Variants in TIAM1 observed in about 807,000 individuals in gnomAD.
The protein encoded by TIAM1 is rho guanine nucleotide exchange factor TIAM1.
A neutral mutation model predicts 163.5 loss-of-function variants in TIAM1; 65 were observed. The ratio of observed to expected loss-of-function variants is 0.40; its 90% CI spans 0.33 to 0.49. The LOEUF is 0.49. Among genes scored for constraint, TIAM1 ranks in the 20% least tolerant of loss-of-function variants. The pLI is 0.77. For missense variants in TIAM1, 1,789 were observed against 2,044.7 expected, an observed-to-expected ratio of 0.87 and a Z score of 2.41; for synonymous variants, 833 against 810.1, an observed-to-expected ratio of 1.03 and a Z score of -0.48.
At chr21:31,247,893 A>C (rs1398774575) in intron 5 of TIAM1, among the ~76,000 whole-genome samples, 2 of 152,018 alleles carry the variant, frequency 1.3e-5, no homozygotes, top group Non-Finnish European at 2.9e-5. Context: ...GATTAGAGAG[A>C]CAAAGAAATA....
At chr21:31,217,771 G>GTAAGTCC in intron 8 of TIAM1, 72 bp from the exon 9 acceptor site, 1 of 1,547,750 alleles carries the variant, frequency 6.5e-7, no homozygotes, top group Non-Finnish European at 8.7e-7. Context: ...TGAGGTCCCC[G>GTAAGTCC]TAAGTCCCAC....
chr21:31,281,768 G>A (rs917333452), intron 2 of TIAM1, among the ~76,000 whole-genome samples: 2 of 151,956 alleles, frequency 1.3e-5, no homozygotes, highest in Non-Finnish European at 2.9e-5. Flanking sequence ...GGATGGATGG[G>A]TGGTGGATGG....
At chr21:31,524,856 C>A (rs1358603593) in intron 1 of TIAM1, among the ~76,000 whole-genome samples, 1 of 152,120 alleles carries the variant, frequency 6.6e-6, no homozygotes, top group Non-Finnish European at 1.5e-5. Context: ...GCAGACACAT[C>A]CTTGTCTTAG....
rs190113756 is a variant in TIAM1 at position 31,128,063 on chromosome 21, T to C, written c.4046-911A>G. ...ATAGCACAGTACTTTAAGTCATGAA[T>C]AAAGTGTTTGTGAAAGGAACAATTC... On this transcript the variant is annotated intron_variant, in intron 25 of 27. Transcript: ENST00000541036. Among the ~76,000 whole-genome samples, 651 of 152,304 alleles carry C rather than the reference T, an allele frequency of 4.3e-3. 2 individuals carry two copies. The highest frequency in any genetic ancestry group is 6.6e-3 in the Non-Finnish European group (446 of 68,024).
intron 12 of TIAM1, among the ~76,000 whole-genome samples, chr21:31,200,708 T>C (rs2086154332): frequency 6.6e-6 from 1 of 152,166 alleles, no homozygotes; most frequent in Non-Finnish European, 1.5e-5. Flanking sequence ...TCAATATATT[T>C]AGGGCACAGG....
chr21:31,174,711 G>C (rs1020822785), intron 15 of TIAM1, among the ~76,000 whole-genome samples: 2 of 152,138 alleles, frequency 1.3e-5, no homozygotes, highest in South Asian at 4.1e-4. Flanking sequence ...GCAGTGGTGC[G>C]ATCCCGGCTC....
intron 2 of TIAM1, among the ~76,000 whole-genome samples, chr21:31,352,275 T>C (rs74596678): frequency 0.016 from 2,505 of 152,226 alleles, 72 homozygotes; most frequent in African/African-American, 0.056. Flanking sequence ...TGATCTGTGC[T>C]GCTACATGGA....
At chr21:31,181,844 G>A (rs546072064) in intron 15 of TIAM1, among the ~76,000 whole-genome samples, 4 of 121,202 alleles carry the variant, frequency 3.3e-5, no homozygotes, top group Admixed American at 1.1e-4. Context: ...GAATGCAGCA[G>A]TGCAATCACA....
intron 6 of TIAM1, among the ~76,000 whole-genome samples, chr21:31,243,642 A>G (rs1005022986): frequency 6.6e-6 from 1 of 152,190 alleles, no homozygotes; most frequent in Non-Finnish European, 1.5e-5. Flanking sequence ...TAAAAATATT[A>G]AAAGATACAT....
At chr21:31,392,708 A>G (rs1210262786) in intron 2 of TIAM1, among the ~76,000 whole-genome samples, 1 of 151,866 alleles carries the variant, frequency 6.6e-6, no homozygotes, top group East Asian at 1.9e-4. Context: ...TGTTCTGGTC[A>G]AGGCAAGGGC....
chr21:31,477,337 G>A (rs1473771443), intron 1 of TIAM1, among the ~76,000 whole-genome samples: 1 of 152,140 alleles, frequency 6.6e-6, no homozygotes, highest in Non-Finnish European at 1.5e-5. Flanking sequence ...CAATCTGCTG[G>A]CAAATGCCTG....
intron 6 of TIAM1, among the ~76,000 whole-genome samples, chr21:31,233,904 G>C (rs1242064588): frequency 6.6e-6 from 1 of 152,204 alleles, no homozygotes; most frequent in Non-Finnish European, 1.5e-5. Context: ...CTGAGGAAGG[G>C]CAGTGGCAGG....
intron 6 of TIAM1, among the ~76,000 whole-genome samples, chr21:31,243,734 C>G (rs1267213396): frequency 2.0e-5 from 3 of 152,122 alleles, no homozygotes; most frequent in African/African-American, 7.2e-5. Flanking sequence ...TGTTTAACGA[C>G]AAAGTCACGA....
intron 2 of TIAM1, among the ~76,000 whole-genome samples, chr21:31,357,071 C>T (rs1191245445): frequency 1.3e-5 from 2 of 152,232 alleles, no homozygotes; most frequent in African/African-American, 4.8e-5. Context: ...TGGTCATATC[C>T]TTTTGGCAAA....
chr21:31,535,860 C>G (rs2048116249), intron 1 of TIAM1, among the ~76,000 whole-genome samples: 1 of 152,126 alleles, frequency 6.6e-6, no homozygotes, highest in Non-Finnish European at 1.5e-5. Flanking sequence ...CAAGCAAGTA[C>G]CAAACTGAAG....
At chr21:31,224,685 T>C (rs1296986705) in intron 7 of TIAM1, among the ~76,000 whole-genome samples, 2 of 152,210 alleles carry the variant, frequency 1.3e-5, no homozygotes, top group East Asian at 1.9e-4. Context: ...ATTGTTCGTG[T>C]TAAAATGGTT....
chr21:31,503,696 G>C (rs2046938336), intron 1 of TIAM1, among the ~76,000 whole-genome samples: 1 of 149,348 alleles, frequency 6.7e-6, no homozygotes, highest in Non-Finnish European at 1.5e-5. Flanking sequence ...CCAGCACTGT[G>C]CATCCTGCAT....
chr21:31,553,034 C>G (rs1191608920), intron 1 of TIAM1, among the ~76,000 whole-genome samples: 4 of 152,170 alleles, frequency 2.6e-5, no homozygotes, highest in Non-Finnish European at 5.9e-5. Flanking sequence ...ATGCTGCTAA[C>G]CACTAGAACA....
At chr21:31,137,972 G>A (rs2082689925) in intron 22 of TIAM1, among the ~76,000 whole-genome samples, 1 of 151,272 alleles carries the variant, frequency 6.6e-6, no homozygotes, top group African/African-American at 2.4e-5. Context: ...CTGTGCACAG[G>A]GTTTTTCTCT....
Sources: gnomAD v4.1 joint callset for allele counts (sites outside exome capture counted in the v4.1 genomes callset) on GRCh38, gnomAD v4.1.1 for gene constraint, MANE v1.5 for transcripts, NCBI Gene and HGNC (gene_info 2026-07-23, HGNC 2026-07-21) for gene names.